LMNTD1: variants seen among roughly 807,000 people sequenced by gnomAD.
LMNTD1 encodes lamin tail domain containing 1, also known as lamin tail domain-containing protein 1.
Under a neutral mutation model 50.9 loss-of-function variants are expected in LMNTD1, and 35 were observed. The observed-to-expected ratio is 0.69, with a 90% confidence interval of 0.53 to 0.91. The LOEUF (loss-of-function observed/expected upper bound fraction) is 0.91. Ranked by LOEUF, LMNTD1 falls within the 40% of genes least tolerant of loss-of-function variation. The pLI, the probability that LMNTD1 is intolerant of heterozygous loss-of-function variation, is 0.00. For missense variants in LMNTD1, 470 were observed against 475.5 expected (o/e 0.99, Z 0.11); for synonymous variants, 153 against 161.9 (o/e 0.94, Z 0.42).
At chr12:25,590,247 G>A (rs1945655266) in intron 1 of LMNTD1, among the ~76,000 whole-genome samples, 1 of 152,140 alleles carries the variant, frequency 6.6e-6, no homozygotes, top group Non-Finnish European at 1.5e-5. Flanking sequence ...GTGTGCGTGG[G>A]AGAAGGAGAT....
intron 4 of LMNTD1, among the ~76,000 whole-genome samples, chr12:25,536,625 A>T (rs1942593675): frequency 6.6e-6 from 1 of 152,222 alleles, no homozygotes; most frequent in Non-Finnish European, 1.5e-5. Context: ...TATCTGTAGT[A>T]TCAAAAGAGA....
At chr12:25,638,759 T>C (rs970287705) in intron 1 of LMNTD1, among the ~76,000 whole-genome samples, 2 of 152,152 alleles carry the variant, frequency 1.3e-5, no homozygotes, top group African/African-American at 4.8e-5. Flanking sequence ...ACTCCCTACA[T>C]TGATCTACAA....
intron 9 of LMNTD1, among the ~76,000 whole-genome samples, chr12:25,502,200 T>C (rs1939431806): frequency 6.6e-6 from 1 of 152,102 alleles, no homozygotes; most frequent in Non-Finnish European, 1.5e-5. Flanking sequence ...ATTCAGAACA[T>C]TTTTTTCCAA....
intron 1 of LMNTD1, among the ~76,000 whole-genome samples, chr12:25,591,829 G>GAGAC (rs1402302450): frequency 2.1e-5 from 3 of 140,294 alleles, no homozygotes; most frequent in Non-Finnish European, 4.4e-5. Flanking sequence ...GAGAGAGAGA[G>GAGAC]AGAGAGAGAG....
chr12:25,512,736 C>T (rs945952469), intron 8 of LMNTD1, among the ~76,000 whole-genome samples: 1 of 151,948 alleles, frequency 6.6e-6, no homozygotes, highest in African/African-American at 2.4e-5. Flanking sequence ...GTGAGAGCTT[C>T]TGAAAGAGAC....
chr12:25,526,848 T>C lies in LMNTD1; in HGVS notation c.599A>G (p.Gln200Arg). The change falls in exon 5 of 10, where the codon CAG (glutamine) becomes CGG (arginine). Residue 200 changes from glutamine (Q) to arginine (R), a missense_variant. Coordinates refer to ENST00000458174, the MANE Select transcript of LMNTD1 (RefSeq NM_001145728.2). ...AATGGTTTGTCCATTCACATTTTGC[T>C]GGAGAATATGATCTCCAATTGCCAT... ...KEMAIGDHILQQNVNGQTISL... is the reference protein window; with the variant it reads ...KEMAIGDHILRQNVNGQTISL... 1 of 1,613,542 alleles carries C rather than the reference T, an allele frequency of 6.2e-7. No homozygotes were observed. The highest frequency in any genetic ancestry group is 1.3e-5 in the African/African-American group (1 of 75,046).
intron 1 of LMNTD1, among the ~76,000 whole-genome samples, chr12:25,621,548 T>C (rs1946472873): frequency 6.6e-6 from 1 of 152,240 alleles, no homozygotes; most frequent in Admixed American, 6.5e-5. Flanking sequence ...TGCTGTGCCT[T>C]AGATCCCTAA....
chr12:25,536,332 A>C (rs966958670), intron 4 of LMNTD1, among the ~76,000 whole-genome samples: 44 of 152,356 alleles, frequency 2.9e-4, no homozygotes, highest in African/African-American at 1.0e-3. Flanking sequence ...CTATAAAAGA[A>C]GTCTCAGTCA....
intron 4 of LMNTD1, among the ~76,000 whole-genome samples, chr12:25,536,747 C>T (rs1000947788): frequency 1.3e-5 from 2 of 152,268 alleles, no homozygotes; most frequent in African/African-American, 4.8e-5. Flanking sequence ...ATAGGAACAG[C>T]TCCAGTCTAC....
At chr12:25,586,428 T>C (rs1263515137) in intron 1 of LMNTD1, among the ~76,000 whole-genome samples, 1 of 152,172 alleles carries the variant, frequency 6.6e-6, no homozygotes, top group African/African-American at 2.4e-5. Context: ...GTAATCTTTT[T>C]ATTGGTCTTC....
intron 1 of LMNTD1, among the ~76,000 whole-genome samples, chr12:25,562,507 T>G (rs2136310430): frequency 6.6e-6 from 1 of 152,356 alleles, no homozygotes; most frequent in Non-Finnish European, 1.5e-5. Flanking sequence ...GGACATCCGC[T>G]GTTAGTCTGA....
chr12:25,568,476 A>G (rs576589985), intron 1 of LMNTD1, among the ~76,000 whole-genome samples: 23 of 152,250 alleles, frequency 1.5e-4, no homozygotes, highest in Non-Finnish European at 2.9e-4. Flanking sequence ...GCAGAACAAC[A>G]ACTTGCTAGA....
chr12:25,523,290 C>T (rs1310181132), intron 6 of LMNTD1, among the ~76,000 whole-genome samples: 1 of 152,188 alleles, frequency 6.6e-6, no homozygotes, highest in Non-Finnish European at 1.5e-5. Context: ...CCTCGGCCTC[C>T]CAAAGTGCTG....
upstream of LMNTD1, among the ~76,000 whole-genome samples, chr12:25,558,145 C>G (rs1944117755): frequency 6.6e-6 from 1 of 152,146 alleles, no homozygotes; most frequent in Non-Finnish European, 1.5e-5. Flanking sequence ...TTTTTCATCT[C>G]TGACTTTATT....
At chr12:25,557,859 G>A (rs1263410856), upstream of LMNTD1, among the ~76,000 whole-genome samples, 1 of 152,022 alleles carries the variant, frequency 6.6e-6, no homozygotes, top group African/African-American at 2.4e-5. Context: ...ATCATATATG[G>A]GCAATCTCTA....
chr12:25,532,677 G>A (rs1228475819), intron 4 of LMNTD1, among the ~76,000 whole-genome samples: 1 of 152,058 alleles, frequency 6.6e-6, no homozygotes, highest in African/African-American at 2.4e-5. Flanking sequence ...GTATGAGAAT[G>A]CCTTTTTTAC....
At chr12:25,477,718 T>G (rs1938316033) in intron 9 of LMNTD1, among the ~76,000 whole-genome samples, 1 of 152,150 alleles carries the variant, frequency 6.6e-6, no homozygotes, top group Non-Finnish European at 1.5e-5. Context: ...GATTGGGCTA[T>G]TGTAGTTTCC....
chr12:25,549,835 C>T (rs976224096), intron 2 of LMNTD1, among the ~76,000 whole-genome samples: 4 of 151,968 alleles, frequency 2.6e-5, no homozygotes, highest in African/African-American at 9.7e-5. Context: ...ATTACAATGC[C>T]ACCAACAAGA....
intron 1 of LMNTD1, among the ~76,000 whole-genome samples, chr12:25,624,617 G>A (rs957615283): frequency 4.7e-5 from 5 of 106,998 alleles, no homozygotes; most frequent in African/African-American, 1.4e-4. Context: ...TGAGTAGGTA[G>A]AGTCACTACT....
Sources: gnomAD v4.1 joint callset for allele counts (sites outside exome capture counted in the v4.1 genomes callset) on GRCh38, gnomAD v4.1.1 for gene constraint, MANE v1.5 for transcripts, NCBI Gene and HGNC (gene_info 2026-07-23, HGNC 2026-07-21) for gene names.